UBE3D: variants seen among roughly 807,000 people sequenced by gnomAD.
The protein encoded by UBE3D is E3 ubiquitin-protein ligase E3D.
UBE3D carries 48 observed loss-of-function variants against 49.6 expected under a neutral mutation model. The ratio of observed to expected loss-of-function variants is 0.97; its 90% CI spans 0.77 to 1.23. UBE3D has a LOEUF of 1.23. UBE3D is among the 50% of genes most tolerant of loss of function. UBE3D has a pLI of 0.00. For synonymous variants in UBE3D, 189 were observed against 174.2 expected (o/e 1.08, Z -0.67); for missense variants, 452 against 468.4 (o/e 0.96, Z 0.32).
intron 9 of UBE3D, among the ~76,000 whole-genome samples, chr6:82,946,000 T>C (rs373130176): frequency 6.6e-6 from 1 of 152,002 alleles, no homozygotes; most frequent in Non-Finnish European, 1.5e-5. Flanking sequence ...GAAGCATACA[T>C]ACAAGATCTA....
At chr6:82,943,192 CT>C (rs1187683006) in intron 9 of UBE3D, among the ~76,000 whole-genome samples, 2 of 152,336 alleles carry the variant, frequency 1.3e-5, no homozygotes, top group East Asian at 1.9e-4. Context: ...AATTTCTCCC[CT>C]GTGGAATGGG....
intron 1 of UBE3D, among the ~76,000 whole-genome samples, chr6:83,065,355 T>C (rs1255639084): frequency 6.6e-6 from 1 of 152,210 alleles, no homozygotes; most frequent in African/African-American, 2.4e-5. Flanking sequence ...AATGTGCATT[T>C]GATTCCTGGA....
chr6:83,035,768 G>A (rs1405740349), intron 5 of UBE3D, among the ~76,000 whole-genome samples: 1 of 152,084 alleles, frequency 6.6e-6, no homozygotes, highest in Non-Finnish European at 1.5e-5. Context: ...AAATAGACTT[G>A]TATTTTTGGT....
chr6:82,980,227 C>T (rs1454272050), intron 8 of UBE3D, among the ~76,000 whole-genome samples: 2 of 152,108 alleles, frequency 1.3e-5, no homozygotes, highest in South Asian at 4.1e-4. Flanking sequence ...GTTCCCTTTG[C>T]TCTGGATCCT....
intron 9 of UBE3D, among the ~76,000 whole-genome samples, chr6:82,923,331 T>G (rs1477048364): frequency 6.6e-6 from 1 of 152,216 alleles, no homozygotes; most frequent in East Asian, 1.9e-4. Context: ...AATGATAGAC[T>G]GGATTAAGAA....
At chr6:82,968,776 C>T (rs1777131904) in intron 8 of UBE3D, among the ~76,000 whole-genome samples, 1 of 152,112 alleles carries the variant, frequency 6.6e-6, no homozygotes, top group East Asian at 1.9e-4. Context: ...TTTATATTTG[C>T]TTAATTCTAG....
chr6:82,896,424 A>C (rs1307083396), intron 9 of UBE3D, among the ~76,000 whole-genome samples: 2 of 112,330 alleles, frequency 1.8e-5, no homozygotes, highest in Non-Finnish European at 3.1e-5. Flanking sequence ...AAAAAACAAA[A>C]GACAACCTTT....
intron 9 of UBE3D, among the ~76,000 whole-genome samples, chr6:82,938,017 T>C (rs1774720393): frequency 6.7e-6 from 1 of 149,572 alleles, no homozygotes; most frequent in East Asian, 2.1e-4. Flanking sequence ...AACAACCCTA[T>C]GTAATCTGAC....
chr6:83,041,509 C>T (rs532907404), intron 4 of UBE3D, among the ~76,000 whole-genome samples: 1 of 152,138 alleles, frequency 6.6e-6, no homozygotes, highest in African/African-American at 2.4e-5. Context: ...AACGGTGTGG[C>T]TACATTTTTT....
intron 8 of UBE3D, among the ~76,000 whole-genome samples, chr6:82,985,810 C>T (rs1365179399): frequency 6.6e-6 from 1 of 152,098 alleles, no homozygotes; most frequent in East Asian, 1.9e-4. Flanking sequence ...TTTGAGAGGC[C>T]ACCTTTCCTA....
At chr6:83,025,593 A>T in intron 5 of UBE3D, among the ~76,000 whole-genome samples, 1 of 152,168 alleles carries the variant, frequency 6.6e-6, no homozygotes. Context: ...TTAAAATTGT[A>T]TATGTAGGGC....
chr6:82,928,327 A>G (rs1773906082), intron 9 of UBE3D, among the ~76,000 whole-genome samples: 1 of 152,160 alleles, frequency 6.6e-6, no homozygotes, highest in Admixed American at 6.5e-5. Context: ...CAAGTCTCTC[A>G]GGGACTTCTG....
chr6:83,052,619 T>C (rs1783544391), intron 3 of UBE3D, among the ~76,000 whole-genome samples: 1 of 152,068 alleles, frequency 6.6e-6, no homozygotes, highest in Non-Finnish European at 1.5e-5. Context: ...ACCAGAGCTG[T>C]GTACAGAATG....
At chr6:82,885,140 C>A in the UBE3D span, among the ~76,000 whole-genome samples, 1 of 149,546 alleles carries the variant, frequency 6.7e-6, no homozygotes, top group African/African-American at 2.5e-5. Context: ...ATGGCCTTCA[C>A]AAATAATTAA....
chr6:82,958,881 GCA>G (rs1562123132), intron 8 of UBE3D, among the ~76,000 whole-genome samples: 1 of 152,112 alleles, frequency 6.6e-6, no homozygotes. Flanking sequence ...ACATTTTTTG[GCA>G]CAGAGTGCCA....
chr6:82,891,605 C>A (rs1213118852), downstream of UBE3D, among the ~76,000 whole-genome samples: 1 of 152,166 alleles, frequency 6.6e-6, no homozygotes, highest in African/African-American at 2.4e-5. Flanking sequence ...TGTCAGTCTA[C>A]AAGTTACAGA....
chr6:83,040,412 T>C (rs577526421), intron 4 of UBE3D, among the ~76,000 whole-genome samples: 5 of 151,674 alleles, frequency 3.3e-5, no homozygotes, highest in African/African-American at 1.2e-4. Context: ...TCTATATATA[T>C]ATATATTCAA....
At chr6:83,037,242 A>G (rs909258573) in intron 5 of UBE3D, 1 of 152,236 alleles carries the variant, frequency 6.6e-6, no homozygotes, top group Admixed American at 6.5e-5. Context: ...CAAATGATCT[A>G]CAGACACCAA....
chr6:83,019,617 A>G (rs1301276987), intron 7 of UBE3D, among the ~76,000 whole-genome samples: 1 of 152,200 alleles, frequency 6.6e-6, no homozygotes, highest in Non-Finnish European at 1.5e-5. Context: ...ATTCCAATAC[A>G]CTGCTGGTGG....
Sources: gnomAD v4.1 joint callset for allele counts (sites outside exome capture counted in the v4.1 genomes callset) on GRCh38, gnomAD v4.1.1 for gene constraint, MANE v1.5 for transcripts, NCBI Gene and HGNC (gene_info 2026-07-23, HGNC 2026-07-21) for gene names.